The following USP2 variants were observed in gnomAD, a reference collection of about 807,000 sequenced individuals.
USP2 encodes ubiquitin carboxyl-terminal hydrolase 2.
In USP2, 33 loss-of-function variants were observed where a neutral mutation model predicts 72.0. The ratio of observed to expected loss-of-function variants is 0.46; its 90% CI spans 0.35 to 0.61. The LOEUF (loss-of-function observed/expected upper bound fraction) is 0.61, where lower values mean the gene tolerates loss of function less well. Among genes scored for constraint, USP2 ranks in the 20% least tolerant of loss-of-function variants. The probability of loss-of-function intolerance (pLI) is 0.01; values close to 1 mark genes in which losing one functional copy is unlikely to be tolerated. For synonymous variants in USP2, 296 were observed against 312.5 expected, an observed-to-expected ratio of 0.95 and a Z score of 0.56; for missense variants, 691 against 797.8, an observed-to-expected ratio of 0.87 and a Z score of 1.61.
intron 2 of USP2, among the ~76,000 whole-genome samples, chr11:119,372,297 G>C (rs1236714191): frequency 6.6e-6 from 1 of 152,224 alleles, no homozygotes; most frequent in Non-Finnish European, 1.5e-5. Context: ...GAGGGGAGAT[G>C]CAACCACAGC....
Position 119,372,687 on chromosome 11 carries a change from G to T in USP2, c.774+20C>A, listed in dbSNP as rs757925612. On this transcript the variant is annotated intron_variant, in intron 2 of 12. Transcript: ENST00000260187. ...TGGCTGCCTCCCCAGCCTATCCCCGGTCCCCAAGGGTAAACTCACCATGCC... is the reference window on the plus strand; with the variant it reads ...TGGCTGCCTCCCCAGCCTATCCCCGTTCCCCAAGGGTAAACTCACCATGCC... The T allele has an allele frequency of 6.6e-7, 1 of 1,507,636 alleles. No individual in the cohort carries two copies. Among genetic ancestry groups the T allele is most frequent in the South Asian group, 1.3e-5 (1 of 74,616 alleles). The allele number at this position is 1,507,636 out of a possible 1,614,324, so 93.4% of individuals were successfully genotyped here. A position where few individuals can be genotyped will look rare whatever the true frequency, so the allele number is the denominator to read the frequency against.
chr11:119,371,824 A>G (rs762903706), intron 2 of USP2, among the ~76,000 whole-genome samples: 13 of 152,018 alleles, frequency 8.6e-5, no homozygotes, highest in Non-Finnish European at 1.5e-4. Flanking sequence ...CACCACCCAC[A>G]CATCCATCCA....
chr11:119,368,558 C>G (rs924170767), intron 2 of USP2, among the ~76,000 whole-genome samples: 1 of 152,242 alleles, frequency 6.6e-6, no homozygotes. Flanking sequence ...TGTCACTGAA[C>G]AGCTGGAACC....
intron 12 of USP2, 97 bp downstream of exon 12, chr11:119,357,090 G>A: frequency 1.6e-6 from 2 of 1,281,080 alleles, no homozygotes; most frequent in Non-Finnish European, 2.1e-6. Context: ...TAAGCCGTGC[G>A]GGGGGTGGGA....
intron 1 of USP2, among the ~76,000 whole-genome samples, chr11:119,375,341 C>A (rs1200075513): frequency 6.6e-6 from 1 of 152,208 alleles, no homozygotes; most frequent in Non-Finnish European, 1.5e-5. Context: ...CATTCCTTGA[C>A]CCTGCCTGAG....
chr11:119,374,487 C>T (rs537520783), intron 1 of USP2, among the ~76,000 whole-genome samples: 1 of 152,216 alleles, frequency 6.6e-6, no homozygotes, highest in East Asian at 1.9e-4. Context: ...TTTAATCTAT[C>T]TGTTATACAG....
chr11:119,358,728 A>G (rs1950713526), intron 7 of USP2, 45 bp downstream of exon 7: 1 of 1,606,034 alleles, frequency 6.2e-7, no homozygotes, highest in Non-Finnish European at 8.5e-7. Context: ...CTCAGGCAAG[A>G]GCAGGCAACA....
intron 3 of USP2, 69 bp from the exon 4 acceptor site, chr11:119,359,729 A>T (rs1950732977): frequency 6.3e-7 from 1 of 1,579,126 alleles, no homozygotes. Flanking sequence ...ACTTACTACC[A>T]GAGGCTCTCT....
intron 2 of USP2, chr11:119,360,515 G>C: frequency 2.1e-6 from 1 of 478,046 alleles, no homozygotes; most frequent in Non-Finnish European, 3.9e-6. Context: ...CCTCCACCTC[G>C]TGGGTTCAAG....
chr11:119,358,749 G>C (rs1024890993), intron 7 of USP2, 24 bp downstream of exon 7: 6 of 1,613,252 alleles, frequency 3.7e-6, no homozygotes, highest in Non-Finnish European at 5.1e-6. Flanking sequence ...GTGAAAACAG[G>C]CATCTTCCCT....
intron 2 of USP2, chr11:119,360,505 C>T: frequency 2.0e-6 from 1 of 495,240 alleles, no homozygotes; most frequent in Non-Finnish European, 3.8e-6. Flanking sequence ...CTCACTGCAA[C>T]CTCCACCTCG....
chr11:119,362,900 G>A (rs1950785187), intron 2 of USP2, among the ~76,000 whole-genome samples: 2 of 152,224 alleles, frequency 1.3e-5, no homozygotes, highest in African/African-American at 4.8e-5. Flanking sequence ...GGGAGCAGAT[G>A]GCACCTTCAC....
chr11:119,358,800 G>C lies in USP2; in HGVS notation c.1210C>G (p.Leu404Val). Residue 404 changes from leucine (L) to valine (V), a missense_variant, in exon 7 of 13, where the codon CTA becomes GTA. Coordinates refer to ENST00000260187, the MANE Select transcript of USP2 (RefSeq NM_004205.5). ...CCGATCCTACTGTCTTCCCGTTCTAGATATTTTCTCCACATCTGTCGGCCT... is the reference window on the plus strand; with the variant it reads ...CCGATCCTACTGTCTTCCCGTTCTACATATTTTCTCCACATCTGTCGGCCT... ...EKGRQMWRKY[L>V]EREDSRIGDL... 1 of 1,614,102 alleles carries C rather than the reference G, an allele frequency of 6.2e-7. No homozygotes were observed. The highest frequency in any genetic ancestry group is 8.5e-7 in the Non-Finnish European group (1 of 1,180,042).
In USP2 at chr11:119,356,529, C is replaced by A. The variant is rs1950654592; in HGVS notation, c.*306G>T. 1.0e-5 allele frequency: 3 copies of A among 291,712 alleles called. No individual in the cohort carries two copies. The highest frequency in any genetic ancestry group is 9.3e-4 in the Middle Eastern group (1 of 1,072). The allele number at this position is 291,712 out of a possible 1,614,324, so 18.1% of individuals were successfully genotyped here. On this transcript the variant is annotated 3_prime_UTR_variant, in exon 13 of 13. Coordinates refer to ENST00000260187, the MANE Select transcript of USP2 (RefSeq NM_004205.5). ...CGGGAAGCGGCGCAGCGAGGGTCTT[C>A]CCCCCCAAGACACAGTTGTTTCTGA...
At chr11:119,365,843 G>T (rs1950843948) in intron 2 of USP2, among the ~76,000 whole-genome samples, 1 of 151,822 alleles carries the variant, frequency 6.6e-6, no homozygotes, top group Non-Finnish European at 1.5e-5. Flanking sequence ...TATTATCCCA[G>T]TTAATTTCTA....
chr11:119,374,485 A>C (rs569775331), intron 1 of USP2, among the ~76,000 whole-genome samples: 6 of 152,204 alleles, frequency 3.9e-5, no homozygotes, highest in African/African-American at 1.4e-4. Context: ...ATTTTAATCT[A>C]TCTGTTATAC....
intron 2 of USP2, among the ~76,000 whole-genome samples, chr11:119,367,494 A>G (rs1359997562): frequency 6.6e-6 from 1 of 152,240 alleles, no homozygotes; most frequent in African/African-American, 2.4e-5. Flanking sequence ...GCAAATGGAC[A>G]GACCGGTGGC....
In USP2 at chr11:119,356,755, GTTGTT is replaced by G. The variant is rs1342659870; in HGVS notation, c.*75_*79del. 1 of 1,334,618 alleles carries G rather than the reference GTTGTT, an allele frequency of 7.5e-7. No homozygotes were observed. The highest frequency in any genetic ancestry group is 1.5e-5 in the African/African-American group (1 of 67,526). The allele number at this position is 1,334,618 out of a possible 1,614,324, so 82.7% of individuals were successfully genotyped here. ...CTTGTCAGGTTTGTGTGTTGTTGTT[GTTGTT>G]TTGTTTTTGTCTTTTTAAAAAATTT... On this transcript the variant is annotated 3_prime_UTR_variant, in exon 13 of 13. Transcript: ENST00000260187.
At chr11:119,360,280 A>T (rs1950742307) in intron 2 of USP2, 46 bp from the exon 3 acceptor site, 1 of 1,602,556 alleles carries the variant, frequency 6.2e-7, no homozygotes, top group Admixed American at 1.7e-5. Flanking sequence ...CAAAGATGCT[A>T]GGCCTGTGCT....
Sources: gnomAD v4.1 joint callset for allele counts (sites outside exome capture counted in the v4.1 genomes callset) on GRCh38, gnomAD v4.1.1 for gene constraint, MANE v1.5 for transcripts, NCBI Gene and HGNC (gene_info 2026-07-23, HGNC 2026-07-21) for gene names.